ADGRB3: variants seen among roughly 807,000 people sequenced by gnomAD.
The protein encoded by ADGRB3 is brain-specific angiogenesis inhibitor 3.
In ADGRB3, 37 loss-of-function variants were observed where a neutral mutation model predicts 193.4. The observed-to-expected ratio is 0.19, with a 90% CI of 0.15 to 0.25. The LOEUF is 0.25. Ranked by LOEUF, ADGRB3 falls within the 10% of genes least tolerant of loss-of-function variation. The probability of loss-of-function intolerance (pLI) is 1.00; values close to 1 mark genes in which losing one functional copy is unlikely to be tolerated. For missense variants in ADGRB3, 1,637 were observed against 1,852.9 expected (o/e 0.88, Z 2.14); for synonymous variants, 690 against 644.2 (o/e 1.07, Z -1.08).
chr6:68,833,922 T>C (rs1582239087), intron 3 of ADGRB3, among the ~76,000 whole-genome samples: 1 of 151,078 alleles, frequency 6.6e-6, no homozygotes, highest in South Asian at 2.1e-4. Context: ...GGAAAATATT[T>C]TCCTTTGTTA....
intron 3 of ADGRB3, among the ~76,000 whole-genome samples, chr6:68,812,858 T>G (rs959231098): frequency 6.0e-5 from 9 of 150,242 alleles, no homozygotes; most frequent in Non-Finnish European, 1.0e-4. Flanking sequence ...CAGTGTGTGA[T>G]GTTCCCCTCC....
chr6:68,765,379 A>G (rs896398263), intron 3 of ADGRB3, among the ~76,000 whole-genome samples: 5 of 152,140 alleles, frequency 3.3e-5, no homozygotes. Context: ...AATATTTTGT[A>G]GTCATGCATA....
rs70987458 is a variant in ADGRB3, at chr6:69,210,170, A to ATATATATG, written c.2481-23120_2481-23119insTATATATG. ...ATATCATATATATATATATATATAT[A>ATATATATG]AAGGGGAGTTTATTAAATATTAACT... On this transcript the variant is annotated intron_variant, in intron 17 of 31. Coordinates refer to ENST00000370598, the MANE Select transcript of ADGRB3 (RefSeq NM_001704.3). 2.8e-4 allele frequency among the ~76,000 whole-genome samples: 37 copies of ATATATATG among 131,780 alleles called. 2 individuals carry two copies. Among genetic ancestry groups the ATATATATG allele is most frequent in the African/African-American group, 1.0e-3 (35 of 33,492 alleles). 86.5% of individuals were successfully genotyped at this position (131,780 alleles called of 152,430 possible).
At chr6:68,835,404 C>T (rs1259449288) in intron 3 of ADGRB3, among the ~76,000 whole-genome samples, 2 of 151,908 alleles carry the variant, frequency 1.3e-5, no homozygotes, top group Non-Finnish European at 2.9e-5. Flanking sequence ...TGTGCTGCTT[C>T]CTTGTTCTCT....
In ADGRB3 at chr6:69,301,926, A is replaced by G. The variant is rs550077778; in HGVS notation, c.2815-22946A>G. 8.7e-4 allele frequency among the ~76,000 whole-genome samples: 133 copies of G among 152,120 alleles called. 1 individual carries two copies. Among genetic ancestry groups the G allele is most frequent in the African/African-American group, 3.0e-3 (125 of 41,562 alleles). On this transcript the variant is annotated intron_variant, in intron 20 of 31. Transcript: ENST00000370598. ...GCAAAGTCATTGTATGACAACTAAA[A>G]GCAAAAAGAAGGTGAAGGATCTGAA...
Position 69,221,586 on chromosome 6 carries a change from G to C in ADGRB3, c.2481-11704G>C, listed in dbSNP as rs746068159. 3.3e-5 allele frequency among the ~76,000 whole-genome samples: 5 copies of C among 152,200 alleles called. 1 individual carries two copies. In the South Asian group the frequency reaches 1.0e-3, roughly 32 times the overall value. On this transcript the variant is annotated intron_variant, in intron 17 of 31. Transcript: ENST00000370598. ...TTACCTAACATCTTATTGTTTTATA[G>C]GCAGTGTGTAATTCATGGCCTCTTA...
chr6:68,905,262 A>ATTCAG (rs1766510397), intron 3 of ADGRB3, among the ~76,000 whole-genome samples: 1 of 152,178 alleles, frequency 6.6e-6, no homozygotes, highest in South Asian at 2.1e-4. Context: ...TACACATATA[A>ATTCAG]GGTCACCTAA....
At chr6:68,917,712 A>C (rs1766922393) in intron 3 of ADGRB3, among the ~76,000 whole-genome samples, 2 of 152,084 alleles carry the variant, frequency 1.3e-5, no homozygotes, top group South Asian at 4.1e-4. Context: ...TTTTTGAAAC[A>C]ATCTTCACTC....
intron 17 of ADGRB3, among the ~76,000 whole-genome samples, chr6:69,093,877 A>G (rs1396263416): frequency 6.6e-6 from 1 of 152,204 alleles, no homozygotes; most frequent in Non-Finnish European, 1.5e-5. Flanking sequence ...TTGCTTTGCT[A>G]GGGAGTTTGT....
At chr6:69,349,601 G>T (rs933124877) in intron 26 of ADGRB3, among the ~76,000 whole-genome samples, 2 of 152,140 alleles carry the variant, frequency 1.3e-5, no homozygotes, top group East Asian at 1.9e-4. Flanking sequence ...TTCATAATTA[G>T]ATTGTATAGA....
chr6:68,929,302 C>G (rs1226553044), intron 3 of ADGRB3, among the ~76,000 whole-genome samples: 1 of 152,144 alleles, frequency 6.6e-6, no homozygotes, highest in African/African-American at 2.4e-5. Flanking sequence ...TTAGATTTCT[C>G]AGATTTCTCA....
At chr6:69,101,103 C>T (rs1396325323) in intron 17 of ADGRB3, among the ~76,000 whole-genome samples, 1 of 151,660 alleles carries the variant, frequency 6.6e-6, no homozygotes, top group African/African-American at 2.4e-5. Flanking sequence ...ACATTTTCCC[C>T]AGATTAAGAA....
At chr6:68,713,848 A>G (rs1765447063) in intron 3 of ADGRB3, among the ~76,000 whole-genome samples, 1 of 151,686 alleles carries the variant, frequency 6.6e-6, no homozygotes, top group South Asian at 2.1e-4. Flanking sequence ...ATCTATTTAT[A>G]TGTATAGTTA....
At chr6:69,272,853 T>A (rs1042514877) in intron 20 of ADGRB3, among the ~76,000 whole-genome samples, 1 of 152,202 alleles carries the variant, frequency 6.6e-6, no homozygotes, top group Non-Finnish European at 1.5e-5. Context: ...AAGTTTTGAA[T>A]AATTCCATAA....
chr6:68,710,284 T>G (rs1177580218), intron 3 of ADGRB3, among the ~76,000 whole-genome samples: 1 of 152,162 alleles, frequency 6.6e-6, no homozygotes, highest in Non-Finnish European at 1.5e-5. Flanking sequence ...ATTACTTACT[T>G]CCACTCTAAC....
At chr6:68,801,470 T>C (rs1024067901) in intron 3 of ADGRB3, among the ~76,000 whole-genome samples, 6 of 152,026 alleles carry the variant, frequency 3.9e-5, no homozygotes, top group African/African-American at 1.4e-4. Context: ...GGCAGATCAC[T>C]TGAGGTCAGG....
Position 69,334,832 on chromosome 6 carries a change from C to G in ADGRB3, c.3188+1824C>G, listed in dbSNP as rs548728011. On this transcript the variant is annotated intron_variant, in intron 24 of 31. Coordinates refer to ENST00000370598, the MANE Select transcript of ADGRB3 (RefSeq NM_001704.3). ...GCAATTTACTAGCTGTGTCTATGTGCCTTTGGGTGTGTTACTTTTTGCAAC... is the reference window on the plus strand; with the variant it reads ...GCAATTTACTAGCTGTGTCTATGTGGCTTTGGGTGTGTTACTTTTTGCAAC... Among the ~76,000 whole-genome samples the G allele has an allele frequency of 3.3e-5, 5 of 152,170 alleles. No individual in the cohort carries two copies. In the East Asian group the frequency reaches 9.6e-4, roughly 29 times the overall value.
chr6:69,106,164 T>TAAAAAAAAAAAAAAAAAAAAAAAAAAAA (rs61114782), intron 17 of ADGRB3, among the ~76,000 whole-genome samples: 75 of 91,010 alleles, frequency 8.2e-4, no homozygotes, highest in Non-Finnish European at 1.1e-3. Flanking sequence ...GAGACTGCGT[T>TAAAAAAAAAAAAAAAAAAAAAAAAAAAA]AAAAAAAAAA....
chr6:69,251,034 G>C (rs1766607063), intron 20 of ADGRB3, among the ~76,000 whole-genome samples: 2 of 152,120 alleles, frequency 1.3e-5, no homozygotes, highest in Admixed American at 6.6e-5. Flanking sequence ...CCACCCATTA[G>C]AAATGTTGTA....
Sources: gnomAD v4.1 joint callset for allele counts (sites outside exome capture counted in the v4.1 genomes callset) on GRCh38, gnomAD v4.1.1 for gene constraint, MANE v1.5 for transcripts, NCBI Gene and HGNC (gene_info 2026-07-23, HGNC 2026-07-21) for gene names.